The following ZNF92 variants were observed in gnomAD, a reference collection of about 807,000 sequenced individuals.
The protein encoded by ZNF92 is zinc finger protein 92.
Under a neutral mutation model 12.4 loss-of-function variants are expected in ZNF92, and 11 were observed. The observed-to-expected ratio is 0.89, with a 90% confidence interval of 0.56 to 1.47. The LOEUF (loss-of-function observed/expected upper bound fraction) is 1.47. Ranked by LOEUF, ZNF92 falls within the 40% of genes most tolerant of loss-of-function variation. The pLI, the probability that ZNF92 is intolerant of heterozygous loss-of-function variation, is 0.00. For missense variants in ZNF92, 622 were observed against 681.0 expected (o/e 0.91, Z 0.96); for synonymous variants, 206 against 228.6 (o/e 0.90, Z 0.89).
Position 65,383,202 on chromosome 7 carries a change from C to G in ZNF92, c.4-4700C>G, listed in dbSNP as rs577639070. Among the ~76,000 whole-genome samples, 5 of 152,182 alleles carry G rather than the reference C, an allele frequency of 3.3e-5. No individual in the cohort carries two copies. The East Asian group carries it at 9.6e-4, about 29-fold the overall frequency. ...CCAGTTTACAATCTTCAAGCTTGGC[C>G]CAAGTGAACTGTCTACTTACATTTG... On this transcript the variant is annotated intron_variant, in intron 1 of 3. Coordinates refer to ENST00000328747, the MANE Select transcript of ZNF92 (RefSeq NM_152626.4).
chr7:65,386,114 G>A (rs1264689641), intron 1 of ZNF92, among the ~76,000 whole-genome samples: 12 of 152,102 alleles, frequency 7.9e-5, no homozygotes, highest in African/African-American at 2.9e-4. Context: ...CTGCCTCCCG[G>A]GTTCAAGCAA....
Position 65,398,487 on chromosome 7 carries a change from G to T in ZNF92, c.373G>T (p.Val125Leu). ...KDHKSVDACK[V>L]YKGGYNGLNQ... is the part of the protein sequence containing the mutation. ...CCATAAAAGTGTGGATGCATGTAAG[G>T]TGTACAAAGGAGGTTATAATGGACT... Residue 125 changes from valine to leucine, a missense_variant, in exon 4 of 4, where the codon GTG becomes TTG. By Grantham distance (32) the Val-to-Leu change is conservative. Coordinates refer to ENST00000328747, the MANE Select transcript of ZNF92 (RefSeq NM_152626.4). 1 of 1,613,066 alleles carries T rather than the reference G, an allele frequency of 6.2e-7. No homozygotes were observed. Among genetic ancestry groups the T allele is most frequent in the Non-Finnish European group, 8.5e-7 (1 of 1,179,646 alleles).
chr7:65,388,553 G>A (rs111792679), intron 2 of ZNF92, among the ~76,000 whole-genome samples: 7 of 151,948 alleles, frequency 4.6e-5, no homozygotes, highest in South Asian at 2.1e-4. Context: ...CAGGAGAATC[G>A]CTTGAACCCG....
In ZNF92 at chr7:65,391,371, T is replaced by C. The variant is rs528670520; in HGVS notation, c.226+2470T>C. Among the ~76,000 whole-genome samples, 17 of 152,234 alleles carry C rather than the reference T, an allele frequency of 1.1e-4. No homozygotes were observed. The East Asian group carries it at 3.3e-3, about 29-fold the overall frequency. ...TCACTCTTCCTATACATTTTTACTT[T>C]CTATTTTCTATTTCAAATTTGTCTG... On this transcript the variant is annotated intron_variant, in intron 3 of 3. Transcript: ENST00000328747.
In ZNF92 at chr7:65,388,076, T is replaced by C. The variant is rs1306809746; in HGVS notation, c.130+48T>C. ...ATACACAATGCTCTAAAAGTTTCAT[T>C]TCTCCTCTTTGTAAAATGTTTTTTG... On this transcript the variant is annotated intron_variant, in intron 2 of 3. Coordinates refer to ENST00000328747, the MANE Select transcript of ZNF92 (RefSeq NM_152626.4). The C allele has an allele frequency of 3.3e-6, 5 of 1,537,480 alleles. No homozygotes were observed. The East Asian group carries it at 1.2e-4, about 37-fold the overall frequency.
At chr7:65,380,258 T>A (rs1478047278) in intron 1 of ZNF92, among the ~76,000 whole-genome samples, 2 of 152,020 alleles carry the variant, frequency 1.3e-5, no homozygotes, top group Non-Finnish European at 2.9e-5. Context: ...TTTTATTAAA[T>A]CTTTATTTTA....
chr7:65,387,486 C>T (rs575576730), intron 1 of ZNF92, among the ~76,000 whole-genome samples: 7 of 152,052 alleles, frequency 4.6e-5, no homozygotes, highest in Non-Finnish European at 8.8e-5. Context: ...AATTAAGAAA[C>T]TCAGACTTTA....
At chr7:65,385,548 T>C (rs1208212598) in intron 1 of ZNF92, among the ~76,000 whole-genome samples, 1 of 152,130 alleles carries the variant, frequency 6.6e-6, no homozygotes, top group African/African-American at 2.4e-5. Context: ...GAGTGCCCCA[T>C]ATTTCCATTA....
At chr7:65,386,155 G>T (rs1441018112) in intron 1 of ZNF92, among the ~76,000 whole-genome samples, 1 of 152,024 alleles carries the variant, frequency 6.6e-6, no homozygotes, top group East Asian at 1.9e-4. Flanking sequence ...AACTAGCTGG[G>T]ATTACAGGCG....
intron 1 of ZNF92, among the ~76,000 whole-genome samples, chr7:65,374,377 T>A (rs1169968902): frequency 6.6e-6 from 1 of 152,124 alleles, no homozygotes; most frequent in Non-Finnish European, 1.5e-5. Flanking sequence ...CGTGTGGTTC[T>A]CAGGTCCTCT....
In ZNF92 at chr7:65,398,765, T is replaced by A; in HGVS notation, c.651T>A (p.Thr217=). 6.2e-7 allele frequency: 1 copy of A among 1,613,176 alleles called. No individual in the cohort carries two copies. The highest frequency in any genetic ancestry group is 2.2e-5 in the East Asian group (1 of 44,860). ...GKAFNWSSTL[T]KHKIIHTGEK... is the part of the protein sequence containing the mutation. ...CCTTTAACTGGTCCTCAACCCTTACTAAACATAAGATAATTCATACTGGAG... is the reference window on the plus strand; with the variant it reads ...CCTTTAACTGGTCCTCAACCCTTACAAAACATAAGATAATTCATACTGGAG... Residue 217 remains threonine, a synonymous_variant, in exon 4 of 4, where the codon ACT becomes ACA. Transcript: ENST00000328747.
intron 1 of ZNF92, among the ~76,000 whole-genome samples, chr7:65,384,195 T>C (rs1252048492): frequency 6.6e-6 from 1 of 152,170 alleles, no homozygotes; most frequent in African/African-American, 2.4e-5. Flanking sequence ...GTTATAAAAT[T>C]GACAGGGCAG....
rs891868201 is a variant in ZNF92 at position 65,373,920 on chromosome 7, C to T, written c.-78C>T. ...GCTCTGCGTCCTGTGCTGATAAAGG[C>T]TCGCCGCTGTGACCCTGTTACCTGC... On this transcript the variant is annotated 5_prime_UTR_variant, in exon 1 of 4. Transcript: ENST00000328747. The T allele has an allele frequency of 2.5e-6, 4 of 1,599,610 alleles. No individual in the cohort carries two copies. In the Admixed American group the frequency reaches 5.0e-5, roughly 20 times the overall value.
At position 65,399,883 on chromosome 7, in the gene ZNF92, G is replaced by A; in HGVS notation, c.*8G>A. 1 of 1,550,434 alleles carries A rather than the reference G, an allele frequency of 6.4e-7. No homozygotes were observed. Among genetic ancestry groups the A allele is most frequent in the South Asian group, 1.3e-5 (1 of 79,204 alleles). On this transcript the variant is annotated 3_prime_UTR_variant, in exon 4 of 4. Transcript: ENST00000328747. ...GAGAAACTACAAACCTGAAAGATGT[G>A]ACAATGATTTTCACTACACCTCAAA...
chr7:65,398,652 A>G lies in ZNF92; in HGVS notation c.538A>G (p.Lys180Glu). ...ACCTTTCAAATGTAAAAACCGTGGC[A>G]AATCATTTTGCATGCTTTCACAATT... ...KKPFKCKNRGKSFCMLSQLTQ... is the reference protein window; with the variant it reads ...KKPFKCKNRGESFCMLSQLTQ... The change falls in exon 4 of 4, where the codon AAA becomes GAA. Residue 180 changes from lysine to glutamate, a missense_variant. By Grantham distance (56) the Lys-to-Glu change is moderately conservative. Coordinates refer to ENST00000328747, the MANE Select transcript of ZNF92 (RefSeq NM_152626.4). The G allele has an allele frequency of 6.2e-7, 1 of 1,612,198 alleles. No homozygotes were observed. The highest frequency in any genetic ancestry group is 8.5e-7 in the Non-Finnish European group (1 of 1,179,382).
intron 1 of ZNF92, 86 bp from the exon 2 acceptor site, chr7:65,387,815 TC>T: frequency 3.5e-6 from 5 of 1,435,934 alleles, no homozygotes; most frequent in Non-Finnish European, 4.6e-6. Flanking sequence ...CTTTACTCTT[TC>T]ATTTCACCTT....
rs1411822370 is a variant in ZNF92, at chr7:65,400,722, A to T, written c.*847A>T. The T allele has an allele frequency of 6.6e-6, 1 of 152,010 alleles. No homozygotes were observed. The highest frequency in any genetic ancestry group is 6.6e-5 in the Admixed American group (1 of 15,258). The allele number at this position is 152,010 out of a possible 1,614,324, so 9.4% of individuals were successfully genotyped here. A position where few individuals can be genotyped will look rare whatever the true frequency, so the allele number is the denominator to read the frequency against. On this transcript the variant is annotated 3_prime_UTR_variant, in exon 4 of 4. Transcript: ENST00000328747. ...ACTTTTTTCTTGAAAAAAATTACAG[A>T]TTTTTTGAAAAGCAATTGATGTAAT... is the stretch of plus-strand genomic sequence containing the variant.
chr7:65,387,801 TTC>T, intron 1 of ZNF92, 99 bp from the exon 2 acceptor site: 2 of 1,385,924 alleles, frequency 1.4e-6, no homozygotes, highest in East Asian at 2.7e-5. Context: ...TCAGAACTTG[TTC>T]TCTTTACTCT....
At chr7:65,374,290 C>T (rs1793178521) in intron 1 of ZNF92, among the ~76,000 whole-genome samples, 1 of 152,160 alleles carries the variant, frequency 6.6e-6, no homozygotes, top group Non-Finnish European at 1.5e-5. Context: ...GCCGAGTGTG[C>T]AGGGACGACG....
Sources: allele counts gnomAD v4.1 joint callset (sites outside exome capture counted in the v4.1 genomes callset), GRCh38; gene constraint gnomAD v4.1.1; transcripts MANE v1.5; gene names NCBI Gene and HGNC (gene_info 2026-07-23, HGNC 2026-07-21).